Variants in PKNOX2 observed in about 807,000 individuals in gnomAD.
PKNOX2 encodes the protein homeobox protein PKNOX2.
A neutral mutation model predicts 53.1 loss-of-function variants in PKNOX2; 14 were observed. The observed-to-expected ratio is 0.26, with a 90% CI of 0.17 to 0.41. The LOEUF (loss-of-function observed/expected upper bound fraction) is 0.41. Among genes scored for constraint, PKNOX2 ranks in the 10% least tolerant of loss-of-function variants. The pLI, the probability that PKNOX2 is intolerant of heterozygous loss-of-function variation, is 1.00. For missense variants in PKNOX2, 496 were observed against 602.8 expected (o/e 0.82, Z 1.85); for synonymous variants, 257 against 242.8 (o/e 1.06, Z -0.54).
At chr11:125,265,469 A>G (rs1256333031) in intron 2 of PKNOX2, among the ~76,000 whole-genome samples, 1 of 152,162 alleles carries the variant, frequency 6.6e-6, no homozygotes, top group Non-Finnish European at 1.5e-5. Flanking sequence ...AGCACCCAGG[A>G]TGCTCACGCC....
chr11:125,380,408 G>A (rs996779809), intron 5 of PKNOX2, among the ~76,000 whole-genome samples: 5 of 152,130 alleles, frequency 3.3e-5, no homozygotes, highest in Admixed American at 6.5e-5. Flanking sequence ...TGGAGGGGGC[G>A]GTCGGGAGGG....
In PKNOX2 at chr11:125,414,726, T is replaced by C. The variant is rs534060217; in HGVS notation, c.936+2861T>C. The stretch of plus-strand genomic sequence containing the variant: ...GAGGCTCTCCCACTAGCAGTGTGAT[T>C]ACCCTGATTCTATTTCTTTGAAAAA... On this transcript the variant is annotated intron_variant, in intron 10 of 12. Transcript: ENST00000298282. Among the ~76,000 whole-genome samples the C allele has an allele frequency of 2.0e-5, 3 of 148,320 alleles. No homozygotes were observed. In the East Asian group the frequency reaches 5.9e-4, roughly 29 times the overall value.
intron 5 of PKNOX2, among the ~76,000 whole-genome samples, chr11:125,378,071 T>C (rs1363223268): frequency 6.6e-6 from 1 of 152,218 alleles, no homozygotes; most frequent in Non-Finnish European, 1.5e-5. Flanking sequence ...AGGAAGGGGT[T>C]AGGGGTCTGT....
intron 1 of PKNOX2, among the ~76,000 whole-genome samples, chr11:125,199,342 C>G (rs935305533): frequency 7.2e-5 from 11 of 152,208 alleles, no homozygotes; most frequent in African/African-American, 2.4e-4. Context: ...CCAGGTACCC[C>G]CTTCTTGTGG....
intron 5 of PKNOX2, among the ~76,000 whole-genome samples, chr11:125,384,601 G>T (rs918456658): frequency 6.6e-6 from 1 of 152,114 alleles, no homozygotes; most frequent in Admixed American, 6.5e-5. Flanking sequence ...GGAGAATGGC[G>T]TGAACCCAGG....
chr11:125,392,702 T>G (rs1191674651), intron 6 of PKNOX2, among the ~76,000 whole-genome samples: 3 of 152,188 alleles, frequency 2.0e-5, no homozygotes, highest in Non-Finnish European at 4.4e-5. Context: ...GGTTATATAT[T>G]TAAAATAAAT....
intron 6 of PKNOX2, among the ~76,000 whole-genome samples, chr11:125,395,478 G>C (rs1954322300): frequency 6.6e-6 from 1 of 152,174 alleles, no homozygotes; most frequent in Non-Finnish European, 1.5e-5. Context: ...CACATATTTA[G>C]TTTTGTAAGA....
At chr11:125,261,179 G>C (rs1944820087) in intron 2 of PKNOX2, among the ~76,000 whole-genome samples, 1 of 152,136 alleles carries the variant, frequency 6.6e-6, no homozygotes, top group South Asian at 2.1e-4. Context: ...TTCTTGTCTT[G>C]GAAGGGCTGG....
intron 2 of PKNOX2, among the ~76,000 whole-genome samples, chr11:125,244,169 A>G (rs1272157025): frequency 1.3e-5 from 2 of 152,176 alleles, no homozygotes; most frequent in Non-Finnish European, 2.9e-5. Context: ...TCACCCCCAC[A>G]TTTCTGAGAT....
chr11:125,200,589 C>T (rs1342606165), intron 1 of PKNOX2, among the ~76,000 whole-genome samples: 4 of 152,200 alleles, frequency 2.6e-5, no homozygotes, highest in Admixed American at 6.5e-5. Flanking sequence ...TGCCTCCCGC[C>T]GGTTCCCAAC....
At chr11:125,412,639 GGT>G (rs1431415019) in intron 10 of PKNOX2, among the ~76,000 whole-genome samples, 1 of 152,090 alleles carries the variant, frequency 6.6e-6, no homozygotes, top group Non-Finnish European at 1.5e-5. Context: ...TGTATGCGCT[GGT>G]GTGTGTGTGT....
chr11:125,366,637 G>A (rs982071783), intron 4 of PKNOX2, among the ~76,000 whole-genome samples: 1 of 152,184 alleles, frequency 6.6e-6, no homozygotes, highest in Non-Finnish European at 1.5e-5. Context: ...CAAAGAGGTA[G>A]CATCTGAGCG....
At chr11:125,289,425 G>T (rs1488748736) in intron 2 of PKNOX2, among the ~76,000 whole-genome samples, 4 of 152,206 alleles carry the variant, frequency 2.6e-5, no homozygotes, top group Non-Finnish European at 4.4e-5. Context: ...TGAATTTTGG[G>T]CATCTAGAAG....
chr11:125,328,837 G>A (rs761399365), intron 2 of PKNOX2, among the ~76,000 whole-genome samples: 1 of 152,188 alleles, frequency 6.6e-6, no homozygotes, highest in Non-Finnish European at 1.5e-5. Context: ...ACTTTCCTAA[G>A]CCTCATTTTC....
chr11:125,362,058 TGAGG>T (rs1263942749), intron 4 of PKNOX2, among the ~76,000 whole-genome samples: 1 of 152,102 alleles, frequency 6.6e-6, no homozygotes, highest in Admixed American at 6.5e-5. Flanking sequence ...AGAGGTTTGT[TGAGG>T]GAGAGGGACA....
At chr11:125,407,293 A>G (rs1196053577) in intron 7 of PKNOX2, among the ~76,000 whole-genome samples, 1 of 152,234 alleles carries the variant, frequency 6.6e-6, no homozygotes, top group Non-Finnish European at 1.5e-5. Context: ...AGAAGCAGCC[A>G]GGGTCTGAGT....
intron 3 of PKNOX2, among the ~76,000 whole-genome samples, chr11:125,333,194 G>C (rs1451767661): frequency 6.6e-6 from 1 of 152,178 alleles, no homozygotes; most frequent in Non-Finnish European, 1.5e-5. Context: ...AGGGACAAGG[G>C]TTCTACACCT....
At chr11:125,322,673 G>A (rs1397605810) in intron 2 of PKNOX2, among the ~76,000 whole-genome samples, 2 of 152,188 alleles carry the variant, frequency 1.3e-5, no homozygotes, top group Non-Finnish European at 2.9e-5. Flanking sequence ...CTGCAGAGCT[G>A]GAAGGGGGAG....
intron 1 of PKNOX2, among the ~76,000 whole-genome samples, chr11:125,182,226 GTCCCAGCTAACC>G (rs1223750660): frequency 6.6e-6 from 1 of 152,188 alleles, no homozygotes; most frequent in Non-Finnish European, 1.5e-5. Flanking sequence ...GGTCCCCCCA[GTCCCAGCTAACC>G]TGGGCAGGCA....
Sources: allele counts gnomAD v4.1 joint callset (sites outside exome capture counted in the v4.1 genomes callset), GRCh38; gene constraint gnomAD v4.1.1; transcripts MANE v1.5; gene names NCBI Gene and HGNC (gene_info 2026-07-23, HGNC 2026-07-21).